The following SYNE2 variants were observed in gnomAD, a reference collection of about 807,000 sequenced individuals.
The protein encoded by SYNE2 is spectrin repeat containing nuclear envelope protein 2.
SYNE2 carries 431 observed loss-of-function variants against 856.3 expected under a neutral mutation model. The observed-to-expected ratio is 0.50, with a 90% CI of 0.47 to 0.55. SYNE2 has a LOEUF of 0.55. Among genes scored for constraint, SYNE2 ranks in the 20% least tolerant of loss-of-function variants. SYNE2 has a pLI of 0.00. For synonymous variants in SYNE2, 2,923 were observed against 2,872.3 expected (o/e 1.02, Z -0.56); for missense variants, 8,129 against 8,023.2 (o/e 1.01, Z -0.50).
Position 64,136,342 on chromosome 14 carries a change from A to T in SYNE2, c.14647-1445A>T, listed in dbSNP as rs1197782044. Among the ~76,000 whole-genome samples, 4 of 148,978 alleles carry T rather than the reference A, an allele frequency of 2.7e-5. 1 individual carries two copies. The South Asian group carries it at 8.7e-4, about 32-fold the overall frequency. ...GGGGGTGAATTAAGACTTTTCAGAG[A>T]TGTTTTAAAGGTGAAGAATCTAGCA... On this transcript the variant is annotated intron_variant, in intron 78 of 115. Coordinates refer to ENST00000555002, the MANE Select transcript of SYNE2 (RefSeq NM_182914.3).
At chr14:63,774,700 A>G (rs923834260) in intron 1 of SYNE2, among the ~76,000 whole-genome samples, 2 of 151,696 alleles carry the variant, frequency 1.3e-5, no homozygotes, top group African/African-American at 4.8e-5. Context: ...ACACTTGGCT[A>G]AAGAGAGGTT....
At chr14:63,871,892 C>A (rs1460684551) in intron 1 of SYNE2, among the ~76,000 whole-genome samples, 1 of 152,152 alleles carries the variant, frequency 6.6e-6, no homozygotes, top group Admixed American at 6.5e-5. Context: ...TATATACCTG[C>A]TTTAGCATCC....
intron 7 of SYNE2, among the ~76,000 whole-genome samples, chr14:63,951,395 T>C (rs567780072): frequency 5.3e-4 from 80 of 152,200 alleles, no homozygotes; most frequent in African/African-American, 1.7e-3. Flanking sequence ...CTGCACCTCC[T>C]GGGTTCAAGC....
intron 61 of SYNE2, among the ~76,000 whole-genome samples, chr14:64,094,303 C>T (rs569929429): frequency 6.6e-6 from 1 of 151,554 alleles, no homozygotes; most frequent in East Asian, 1.9e-4. Context: ...CACTGCACTC[C>T]AGCCTGGGTG....
chr14:64,098,344 G>T, intron 62 of SYNE2, 198 bp downstream of exon 62: 1 of 661,874 alleles, frequency 1.5e-6, no homozygotes, highest in Non-Finnish European at 2.7e-6. Flanking sequence ...ACTCCACCCA[G>T]AATTCTTAAC....
In SYNE2 at chr14:63,924,834, GTTTTTTTTTTT is replaced by G. The variant is rs1160819887; in HGVS notation, c.79+15626_79+15636del. 8.9e-5 allele frequency among the ~76,000 whole-genome samples: 5 copies of G among 56,456 alleles called. No homozygotes were observed. In the East Asian group the frequency reaches 1.7e-3, roughly 19 times the overall value. The allele number at this position is 56,456 out of a possible 152,430, so 37.0% of individuals were successfully genotyped here. On this transcript the variant is annotated intron_variant, in intron 2 of 115. Transcript: ENST00000555002. ...TAACTTTTTTCCTTCCAGCCTTGGT[GTTTTTTTTTTT>G]TTTTTTTTTTTTTTTTTTGCCTTAC...
In SYNE2 at chr14:64,152,664, C is replaced by A. The variant is rs1045320614; in HGVS notation, c.15740C>A (p.Thr5247Lys). 8.1e-6 allele frequency: 13 copies of A among 1,613,990 alleles called. No homozygotes were observed. The highest frequency in any genetic ancestry group is 1.3e-5 in the African/African-American group (1 of 74,908). The change falls in exon 85 of 116, where the codon ACA becomes AAA. Residue 5247 changes from threonine to lysine, a missense_variant. By Grantham distance (78) the Thr-to-Lys change is moderately conservative. Around this residue, in one of 3 missense-constraint regions of SYNE2, gnomAD observed 5,410 missense variants for 5,284.8 expected, o/e 1.02. Coordinates refer to ENST00000555002, the MANE Select transcript of SYNE2 (RefSeq NM_182914.3). ...GGGGCAGTGCCATTGTTAGAAGATACAGCATCCCGAATTGATGAGTTATTT... is the reference window on the plus strand; with the variant it reads ...GGGGCAGTGCCATTGTTAGAAGATAAAGCATCCCGAATTGATGAGTTATTT... ...ESGAVPLLEDTASRIDELFQK... is the reference protein window; with the variant it reads ...ESGAVPLLEDKASRIDELFQK...
At chr14:63,817,481 AAAACAAAC>A (rs568256220) in intron 1 of SYNE2, among the ~76,000 whole-genome samples, 85 of 152,084 alleles carry the variant, frequency 5.6e-4, no homozygotes, top group Admixed American at 1.4e-3. Flanking sequence ...AACATAAACA[AAAACAAAC>A]AAACAAACAA....
intron 57 of SYNE2, among the ~76,000 whole-genome samples, chr14:64,086,351 T>A (rs2097561130): frequency 1.3e-5 from 2 of 152,258 alleles, no homozygotes; most frequent in African/African-American, 2.4e-5. Flanking sequence ...TTCTGTTCAA[T>A]TAATTTATAT....
rs192003503 is a variant in SYNE2, at chr14:63,818,633, G to T, written c.-304-33868G>T. ...ACAGATAATATCATGAATGGTAAAAGATTAAAGGTTTTTCCCTAAGTATAG... is the reference window on the plus strand; with the variant it reads ...ACAGATAATATCATGAATGGTAAAATATTAAAGGTTTTTCCCTAAGTATAG... On this transcript the variant is annotated intron_variant, in intron 1 of 23. Coordinates refer to the SYNE2 transcript ENST00000674003. Among the ~76,000 whole-genome samples the T allele has an allele frequency of 4.1e-3, 614 of 151,304 alleles. 9 individuals carry two copies. The highest frequency in any genetic ancestry group is 0.014 in the African/African-American group (578 of 41,356).
intron 1 of SYNE2, among the ~76,000 whole-genome samples, chr14:63,855,961 A>G (rs945951150): frequency 6.6e-6 from 1 of 152,204 alleles, no homozygotes; most frequent in Admixed American, 6.5e-5. Context: ...TGGAAGTGAC[A>G]TTTAACTGAG....
chr14:64,113,403 G>T lies in SYNE2; in HGVS notation c.12672G>T (p.Glu4224Asp). 6.2e-7 allele frequency: 1 copy of T among 1,614,186 alleles called. No homozygotes were observed. Among genetic ancestry groups the T allele is most frequent in the South Asian group, 1.1e-5 (1 of 91,078 alleles). Residue 4224 changes from glutamate to aspartate, a missense_variant, in exon 66 of 116, where the codon GAG (glutamate) becomes GAT (aspartate). Around this residue, in one of 3 missense-constraint regions of SYNE2, gnomAD observed 5,410 missense variants for 5,284.8 expected, o/e 1.02. Transcript: ENST00000555002. Reference sequence around the variant, plus strand: ...CTTCTGACGCGCAAGGAGGTTTGGAGCCCAGGGTGGAGAAAACTAGGCCGG... The same window carrying T: ...CTTCTGACGCGCAAGGAGGTTTGGATCCCAGGGTGGAGAAAACTAGGCCGG... ...LDSSDAQGGL[E>D]PRVEKTRPEP...
intron 87 of SYNE2, 141 bp from the exon 88 acceptor site, chr14:64,161,931 G>A: frequency 1.2e-6 from 1 of 844,574 alleles, no homozygotes; most frequent in Non-Finnish European, 1.9e-6. Flanking sequence ...TAATGGTGAT[G>A]CCACTAATTT....
At chr14:63,982,592 G>A (rs775097497) in intron 16 of SYNE2, 38 bp from the exon 17 acceptor site, 45 of 1,579,908 alleles carry the variant, frequency 2.8e-5, no homozygotes, top group East Asian at 4.5e-5. Flanking sequence ...AGACAATATC[G>A]TGTCATTAAG....
intron 2 of SYNE2, among the ~76,000 whole-genome samples, chr14:63,915,632 A>G (rs12879919): frequency 0.17 from 25,779 of 152,166 alleles, 2,213 homozygotes; most frequent in South Asian, 0.23. Flanking sequence ...GAACCTCTAT[A>G]AAATCATTCA....
At chr14:63,959,778 T>C (rs2096286681) in intron 8 of SYNE2, among the ~76,000 whole-genome samples, 1 of 152,202 alleles carries the variant, frequency 6.6e-6, no homozygotes, top group Non-Finnish European at 1.5e-5. Context: ...TTTGTTCTCA[T>C]TTCCTGTTTC....
At chr14:64,045,694 G>A (rs547714246) in intron 45 of SYNE2, among the ~76,000 whole-genome samples, 1 of 152,310 alleles carries the variant, frequency 6.6e-6, no homozygotes, top group South Asian at 2.1e-4. Context: ...AATTATTTCA[G>A]TAATTTGCAG....
chr14:64,084,964 C>T, intron 57 of SYNE2: 1 of 702,350 alleles, frequency 1.4e-6, no homozygotes, highest in Non-Finnish European at 2.6e-6. Flanking sequence ...CTTCTACTTA[C>T]AGACACGTGG....
In SYNE2 at chr14:64,122,433, T is replaced by C. The variant is rs1451114476; in HGVS notation, c.13422+6T>C. ...CTCAGCTTGTGGAGCCTCAGGTCAG[T>C]CTGTATCTACATGGTGCAAATAGCC... On this transcript the variant is annotated splice_donor_region_variant and intron_variant, in intron 70 of 115. Coordinates refer to ENST00000555002, the MANE Select transcript of SYNE2 (RefSeq NM_182914.3). The C allele has an allele frequency of 2.6e-5, 42 of 1,614,062 alleles. No individual in the cohort carries two copies. Among genetic ancestry groups the C allele is most frequent in the Non-Finnish European group, 3.5e-5 (41 of 1,180,036 alleles).
Sources: gnomAD v4.1 joint callset for allele counts (sites outside exome capture counted in the v4.1 genomes callset) on GRCh38, gnomAD v4.1.1 for gene constraint, gnomAD v4.1.1 regional missense constraint, MANE v1.5 for transcripts, NCBI Gene and HGNC (gene_info 2026-07-23, HGNC 2026-07-21) for gene names.